NTNG2: variants seen among roughly 807,000 people sequenced by gnomAD.
NTNG2 encodes the protein netrin G2.
In NTNG2, 15 loss-of-function variants were observed where a neutral mutation model predicts 47.6. That is an observed-to-expected ratio of 0.32 (90% CI 0.21 to 0.49). The LOEUF is 0.49. NTNG2 is among the 20% of genes least tolerant of loss of function. The pLI, the probability that NTNG2 is intolerant of heterozygous loss-of-function variation, is 0.99. For synonymous variants in NTNG2, 307 were observed against 324.6 expected (o/e 0.95, Z 0.58); for missense variants, 578 against 764.6 (o/e 0.76, Z 2.88).
At chr9:132,228,314 C>A (rs1840941577) in intron 4 of NTNG2, among the ~76,000 whole-genome samples, 1 of 152,206 alleles carries the variant, frequency 6.6e-6, no homozygotes, top group South Asian at 2.1e-4. Context: ...TGGCAGGCAC[C>A]CGACAGCACT....
At position 132,197,203 on chromosome 9, in the gene NTNG2, A is replaced by T. The variant is rs558669989; in HGVS notation, c.214-763A>T. Among the ~76,000 whole-genome samples the T allele has an allele frequency of 2.0e-5, 3 of 152,286 alleles. No individual in the cohort carries two copies. The highest frequency in any genetic ancestry group is 4.4e-5 in the Non-Finnish European group (3 of 68,036). On this transcript the variant is annotated intron_variant, in intron 2 of 7. Coordinates refer to ENST00000393229, the MANE Select transcript of NTNG2 (RefSeq NM_032536.4). This position sits in a 1 kb window ranked among gnomAD's most constrained non-coding sequence, Gnocchi z 4.3. ...TCAGAGTTCGAGACCAGCCTGGCCA[A>T]CATGGCGAAACCCTGTCTCTACTAA...
chr9:132,229,810 C>T (rs541073747), intron 4 of NTNG2, among the ~76,000 whole-genome samples: 2 of 152,356 alleles, frequency 1.3e-5, no homozygotes, highest in East Asian at 1.9e-4. Flanking sequence ...TTCTCGGGAA[C>T]ACCGTGGGGA....
At chr9:132,167,327 A>G (rs1477203519) in intron 2 of NTNG2, among the ~76,000 whole-genome samples, 4 of 152,242 alleles carry the variant, frequency 2.6e-5, no homozygotes, top group Non-Finnish European at 5.9e-5. Flanking sequence ...GGAAGCCTAT[A>G]GTATTCAGCT....
chr9:132,184,562 T>C (rs985209178), intron 2 of NTNG2, among the ~76,000 whole-genome samples: 1 of 152,200 alleles, frequency 6.6e-6, no homozygotes, highest in African/African-American at 2.4e-5. Context: ...AGACAGAAGA[T>C]GGCTCAACCT....
chr9:132,182,928 G>T lies in NTNG2; in HGVS notation c.214-15038G>T, dbSNP rs1329917932. Among the ~76,000 whole-genome samples, 7 of 152,082 alleles carry T rather than the reference G, an allele frequency of 4.6e-5. No homozygotes were observed. The highest frequency in any genetic ancestry group is 1.7e-4 in the African/African-American group (7 of 41,404). On this transcript the variant is annotated intron_variant, in intron 2 of 7. Coordinates refer to ENST00000393229, the MANE Select transcript of NTNG2 (RefSeq NM_032536.4). The surrounding 1 kb of genome is among the most constrained non-coding windows in gnomAD (Gnocchi z 4.2). The stretch of plus-strand genomic sequence containing the variant: ...CAGACCAGCTTCAGCAGCCTCTCTG[G>T]GCGGCCCAGCAGGAGGAGGCATTAA...
At chr9:132,178,547 C>A (rs6597553) in intron 2 of NTNG2, among the ~76,000 whole-genome samples, 33,549 of 151,890 alleles carry the variant, frequency 0.22, 3,917 homozygotes, top group African/African-American at 0.29. Context: ...GGAAAGGGGA[C>A]CCCAGAAGCA....
At chr9:132,222,695 G>T (rs570173618) in intron 3 of NTNG2, among the ~76,000 whole-genome samples, 3 of 152,116 alleles carry the variant, frequency 2.0e-5, no homozygotes, top group Non-Finnish European at 4.4e-5. Flanking sequence ...CCTCTCCCAC[G>T]GCCCACCCAG....
chr9:132,172,791 G>A (rs1006579424), intron 2 of NTNG2, among the ~76,000 whole-genome samples: 6 of 146,528 alleles, frequency 4.1e-5, no homozygotes, highest in African/African-American at 7.6e-5. Context: ...GTGCAGCGGC[G>A]CAATCTCGGC....
Position 132,166,837 on chromosome 9 carries a change from G to A in NTNG2, c.6G>A (p.Leu2=). The part of the protein sequence containing the change: M[L]HLLALFLHCL... ...CCTCTGCAGACTGCGCAGCCATGCT[G>A]CATCTGCTGGCGCTCTTCCTGCACT... Residue 2 remains leucine, a synonymous_variant, in exon 2 of 8, where the codon CTG becomes CTA. Coordinates refer to ENST00000393229, the MANE Select transcript of NTNG2 (RefSeq NM_032536.4). 6.2e-7 allele frequency: 1 copy of A among 1,613,916 alleles called. No homozygotes were observed. The highest frequency in any genetic ancestry group is 8.5e-7 in the Non-Finnish European group (1 of 1,179,990).
rs186851585 is a variant in NTNG2 at position 132,226,078 on chromosome 9, C to T, written c.858-771C>T. On this transcript the variant is annotated intron_variant, in intron 3 of 7. Transcript: ENST00000393229. This position sits in a 1 kb window ranked among gnomAD's most constrained non-coding sequence, Gnocchi z 4.8. Reference sequence around the variant, plus strand: ...CTCAGTGGGAAGTTCTGGGCTGGTGCGGCTCAGTGCCTGGAGCTATGCATT... The same window carrying T: ...CTCAGTGGGAAGTTCTGGGCTGGTGTGGCTCAGTGCCTGGAGCTATGCATT... Among the ~76,000 whole-genome samples, 164 of 152,216 alleles carry T rather than the reference C, an allele frequency of 1.1e-3. 1 individual carries two copies. The highest frequency in any genetic ancestry group is 6.2e-3 in the South Asian group (30 of 4,810).
intron 3 of NTNG2, among the ~76,000 whole-genome samples, chr9:132,214,270 G>T (rs956721604): frequency 1.3e-5 from 2 of 152,200 alleles, no homozygotes; most frequent in African/African-American, 4.8e-5. Flanking sequence ...GAAGGGCCCC[G>T]CTCACGATTT....
chr9:132,164,956 T>G (rs1441873868), intron 1 of NTNG2, among the ~76,000 whole-genome samples: 1 of 152,100 alleles, frequency 6.6e-6, no homozygotes, highest in Non-Finnish European at 1.5e-5. Flanking sequence ...TCTGTCTGGG[T>G]GGAGAATGGA....
At position 132,236,844 on chromosome 9, in the gene NTNG2, C is replaced by T. The variant is rs565275787; in HGVS notation, c.1055-2260C>T. 2.0e-5 allele frequency among the ~76,000 whole-genome samples: 3 copies of T among 152,344 alleles called. No individual in the cohort carries two copies. The South Asian group carries it at 6.2e-4, about 32-fold the overall frequency. On this transcript the variant is annotated intron_variant, in intron 5 of 7. Coordinates refer to ENST00000393229, the MANE Select transcript of NTNG2 (RefSeq NM_032536.4). The surrounding 1 kb of genome is among the most constrained non-coding windows in gnomAD (Gnocchi z 4.3). ...GTGGAAGGCAGGTGCCGTCCGTGTT[C>T]CTGGCTTGACAGCACTTGCGAGTGG...
At chr9:132,237,460 G>A (rs1300999594) in intron 5 of NTNG2, among the ~76,000 whole-genome samples, 2 of 152,210 alleles carry the variant, frequency 1.3e-5, no homozygotes, top group East Asian at 3.8e-4. Flanking sequence ...CCTGCCAAGG[G>A]CTACAAACTT....
Position 132,189,278 on chromosome 9 carries a change from G to T in NTNG2, c.214-8688G>T, listed in dbSNP as rs12348604. Among the ~76,000 whole-genome samples, 5 of 151,606 alleles carry T rather than the reference G, an allele frequency of 3.3e-5. No homozygotes were observed. The East Asian group carries it at 9.7e-4, about 29-fold the overall frequency. On this transcript the variant is annotated intron_variant, in intron 2 of 7. Coordinates refer to ENST00000393229, the MANE Select transcript of NTNG2 (RefSeq NM_032536.4). ...TTGTTTTTTGAGGTTTTTTTCTGTAGAGATGGCATCTCCCTGTGTTGCCTG... is the reference window on the plus strand; with the variant it reads ...TTGTTTTTTGAGGTTTTTTTCTGTATAGATGGCATCTCCCTGTGTTGCCTG...
chr9:132,166,702 T>A lies in NTNG2; in HGVS notation c.-130T>A, dbSNP rs2131265047. The A allele has an allele frequency of 1.1e-5, 9 of 795,180 alleles. 1 individual carries two copies. The South Asian group carries it at 1.4e-4, about 12-fold the overall frequency. 49.3% of individuals were successfully genotyped at this position (795,180 alleles called of 1,614,324 possible). ...TGTTTGCAAAGCTTCAGTGCTCGGG[T>A]CCCTGGGACACCCCGGCCACCCTCG... On this transcript the variant is annotated 5_prime_UTR_variant, in exon 2 of 8. Coordinates refer to ENST00000393229, the MANE Select transcript of NTNG2 (RefSeq NM_032536.4).
chr9:132,202,558 A>C (rs1000794183), intron 3 of NTNG2, among the ~76,000 whole-genome samples: 2 of 152,178 alleles, frequency 1.3e-5, no homozygotes, highest in African/African-American at 4.8e-5. Flanking sequence ...ACACATGGGG[A>C]AACTCAGGTG....
In NTNG2 at chr9:132,198,547, T is replaced by C. The variant is rs765495779; in HGVS notation, c.795T>C (p.Tyr265=). 6.9e-5 allele frequency: 112 copies of C among 1,612,956 alleles called. No homozygotes were observed. Among genetic ancestry groups the C allele is most frequent in the Non-Finnish European group, 9.3e-5 (110 of 1,179,982 alleles). Residue 265 remains tyrosine (Y), a synonymous_variant, in exon 3 of 8, where the codon TAT becomes TAC. Coordinates refer to ENST00000393229, the MANE Select transcript of NTNG2 (RefSeq NM_032536.4). The part of the protein sequence containing the change: ...RLLRPALGGT[Y]VQRENLYKYF... ...TGCGCCCGGCGCTGGGCGGCACCTA[T>C]GTGCAGCGGGAGAACCTCTACAAGT...
At chr9:132,225,259 T>TTTTTG (rs564394685) in intron 3 of NTNG2, among the ~76,000 whole-genome samples, 10 of 151,122 alleles carry the variant, frequency 6.6e-5, no homozygotes, top group Non-Finnish European at 1.0e-4. Flanking sequence ...GTTTTGTTTG[T>TTTTTG]TTTTGTTTTG....
Sources: gnomAD v4.1 joint callset for allele counts (sites outside exome capture counted in the v4.1 genomes callset) on GRCh38, gnomAD v4.1.1 for gene constraint, Gnocchi (gnomAD v3.1) non-coding constraint, MANE v1.5 for transcripts, NCBI Gene and HGNC (gene_info 2026-07-23, HGNC 2026-07-21) for gene names.